Variants in UNC80 observed in about 807,000 individuals in gnomAD.
The protein encoded by UNC80 is protein unc-80 homolog.
In UNC80, 164 loss-of-function variants were observed where a neutral mutation model predicts 384.6. The observed-to-expected ratio is 0.43, with a 90% CI of 0.38 to 0.49. The LOEUF (loss-of-function observed/expected upper bound fraction) is 0.49. Among genes scored for constraint, UNC80 ranks in the 20% least tolerant of loss-of-function variants. The probability of loss-of-function intolerance (pLI) is 0.00; values close to 1 mark genes in which losing one functional copy is unlikely to be tolerated. For synonymous variants in UNC80, 1,486 were observed against 1,527.8 expected, an observed-to-expected ratio of 0.97 and a Z score of 0.64; for missense variants, 3,330 against 4,143.0, an observed-to-expected ratio of 0.80 and a Z score of 5.39.
rs910120902 is a variant in UNC80, at chr2:209,937,531, C to T, written c.6366C>T (p.Thr2122=). The T allele has an allele frequency of 2.1e-5, 33 of 1,548,806 alleles. No individual in the cohort carries two copies. Among genetic ancestry groups the T allele is most frequent in the African/African-American group, 5.5e-5 (4 of 73,062 alleles). Residue 2122 remains threonine (T), a splice_region_variant and synonymous_variant, in exon 42 of 65, where the codon ACC becomes ACT. Coordinates refer to ENST00000673920, the MANE Select transcript of UNC80 (RefSeq NM_001371986.1). The stretch of plus-strand genomic sequence containing the variant: ...GTCTCTTTATGTAATCCACACAGAC[C>T]TATGTTCGAGATATTTATCCTTTCC... ...KRWNLIHYNK[T]YVRDIYPFRR...
At chr2:209,941,074 T>G in intron 43 of UNC80, 147 bp from the exon 44 acceptor site, 1 of 1,024,962 alleles carries the variant, frequency 9.8e-7, no homozygotes, top group Non-Finnish European at 1.3e-6. Context: ...GCCAGTAATA[T>G]TGTGCTGGAA....
chr2:209,833,276 C>CAAA (rs554565630), intron 16 of UNC80, among the ~76,000 whole-genome samples: 54 of 97,328 alleles, frequency 5.5e-4, no homozygotes, highest in African/African-American at 1.8e-3. Context: ...TTTCCTAAGG[C>CAAA]AAAAAAAAAA....
rs1426140875 is a variant in UNC80, at chr2:209,941,216, C to G, written c.6647-5C>G. On this transcript the variant is annotated splice_region_variant and splice_polypyrimidine_tract_variant and intron_variant, in intron 43 of 64. Coordinates refer to ENST00000673920, the MANE Select transcript of UNC80 (RefSeq NM_001371986.1). ...TTCTGTCTCTGCTGTTTCATGTTCT[C>G]ACAGCTGGAAAGGAACTGTTTGGCC... is the stretch of plus-strand genomic sequence containing the variant. 1 of 1,495,214 alleles carries G rather than the reference C, an allele frequency of 6.7e-7. No homozygotes were observed. 92.6% of individuals were successfully genotyped at this position (1,495,214 alleles called of 1,614,324 possible). A position where few individuals can be genotyped will look rare whatever the true frequency, so the allele number is the denominator to read the frequency against.
At chr2:209,905,051 C>T (rs1405754761) in intron 29 of UNC80, 86 bp downstream of exon 29, 3 of 1,380,572 alleles carry the variant, frequency 2.2e-6, no homozygotes, top group Non-Finnish European at 3.0e-6. Context: ...AATTTTCAAG[C>T]AAATGCAATT....
chr2:209,921,377 T>C, intron 33 of UNC80, 123 bp from the exon 34 acceptor site: 1 of 963,854 alleles, frequency 1.0e-6, no homozygotes, highest in Non-Finnish European at 1.5e-6. Context: ...AACTGGATCA[T>C]GGGTATCCTA....
chr2:209,773,072 A>C, intron 1 of UNC80, 22 bp from the exon 2 acceptor site: 1 of 1,588,366 alleles, frequency 6.3e-7, no homozygotes, highest in East Asian at 2.2e-5. Flanking sequence ...TTTATTAACA[A>C]ATATCTCTAT....
rs759039111 is a variant in UNC80 at position 209,913,960 on chromosome 2, A to G, written c.5029+20A>G. 2.6e-6 allele frequency: 4 copies of G among 1,527,508 alleles called. No homozygotes were observed. Among genetic ancestry groups the G allele is most frequent in the African/African-American group, 2.8e-5 (2 of 72,292 alleles). 94.6% of individuals were successfully genotyped at this position (1,527,508 alleles called of 1,614,324 possible). On this transcript the variant is annotated intron_variant, in intron 31 of 64. Coordinates refer to ENST00000673920, the MANE Select transcript of UNC80 (RefSeq NM_001371986.1). ...CAGCAGGTAAAGAAAGACCACCTGGAACCCTGTGCCTGCTGCCACTGCTGT... is the reference window on the plus strand; with the variant it reads ...CAGCAGGTAAAGAAAGACCACCTGGGACCCTGTGCCTGCTGCCACTGCTGT...
rs2084423451 is a variant in UNC80 at position 209,872,906 on chromosome 2, T to A, written c.3776T>A (p.Val1259Glu). The A allele has an allele frequency of 6.4e-7, 1 of 1,551,586 alleles. No homozygotes were observed. Among genetic ancestry groups the A allele is most frequent in the Non-Finnish European group, 8.7e-7 (1 of 1,146,946 alleles). The change falls in exon 23 of 65, where the codon GTG becomes GAG. Residue 1259 changes from valine to glutamate, a missense_variant. Transcript: ENST00000673920. This position sits in a 1 kb window ranked among gnomAD's most constrained non-coding sequence, Gnocchi z 4.1. The part of the protein sequence containing the change: ...KGLSRGRSPI[V>E]GNKRNQKLQW... Reference sequence around the variant, plus strand: ...CTTTCCCGGGGACGCTCTCCCATTGTGGGCAACAAGCGAAACCAGAAGCTG... The same window carrying A: ...CTTTCCCGGGGACGCTCTCCCATTGAGGGCAACAAGCGAAACCAGAAGCTG...
chr2:209,933,179 A>G (rs1278000344), intron 38 of UNC80, among the ~76,000 whole-genome samples: 1 of 152,142 alleles, frequency 6.6e-6, no homozygotes, highest in Non-Finnish European at 1.5e-5. Context: ...AACATATTCT[A>G]CCTCCTATTA....
rs528020328 is a variant in UNC80 at position 209,815,840 on chromosome 2, G to A, written c.1335+449G>A. Among the ~76,000 whole-genome samples the A allele has an allele frequency of 6.6e-5, 10 of 152,248 alleles. No homozygotes were observed. In the South Asian group the frequency reaches 2.1e-3, roughly 32 times the overall value. The stretch of plus-strand genomic sequence containing the variant: ...TTTTAGGTAGTTTGCCCAAGATTGA[G>A]TCCAAACTCAAAAGTAGGTCTTCTA... On this transcript the variant is annotated intron_variant, in intron 9 of 64. Transcript: ENST00000673920.
intron 58 of UNC80, among the ~76,000 whole-genome samples, chr2:209,978,232 C>T (rs568580911): frequency 1.3e-5 from 2 of 152,110 alleles, no homozygotes; most frequent in African/African-American, 4.8e-5. Context: ...TTGCATCCTA[C>T]CAACCTTGGA....
chr2:209,808,554 C>A (rs1171560639), intron 7 of UNC80, among the ~76,000 whole-genome samples: 1 of 149,092 alleles, frequency 6.7e-6, no homozygotes, highest in African/African-American at 2.5e-5. Context: ...GTAAGGCGGG[C>A]CCAGGCTGCT....
chr2:209,939,789 A>T, intron 43 of UNC80, 137 bp downstream of exon 43: 1 of 739,194 alleles, frequency 1.4e-6, no homozygotes, highest in Non-Finnish European at 2.0e-6. Context: ...ATATGTATAC[A>T]TGTGCCATGT....
At chr2:209,946,632 A>G (rs1366607886) in intron 47 of UNC80, among the ~76,000 whole-genome samples, 3 of 152,182 alleles carry the variant, frequency 2.0e-5, no homozygotes, top group African/African-American at 7.2e-5. Flanking sequence ...TTTCTGTAAC[A>G]CAAAGGGCAA....
At chr2:209,827,074 G>T (rs1259922727) in intron 14 of UNC80, among the ~76,000 whole-genome samples, 1 of 151,798 alleles carries the variant, frequency 6.6e-6, no homozygotes, top group African/African-American at 2.4e-5. Flanking sequence ...TTATATGGGG[G>T]TTATATTTGC....
chr2:209,879,145 G>A (rs892134746), intron 24 of UNC80, among the ~76,000 whole-genome samples: 5 of 151,702 alleles, frequency 3.3e-5, no homozygotes, highest in African/African-American at 1.2e-4. Flanking sequence ...TATTATGTCA[G>A]TCTTTCAACC....
At chr2:209,786,652 A>G (rs1220173268) in intron 5 of UNC80, among the ~76,000 whole-genome samples, 1 of 152,164 alleles carries the variant, frequency 6.6e-6, no homozygotes. Context: ...GGAATTATCT[A>G]ATGAAATAGT....
intron 22 of UNC80, chr2:209,868,959 A>G (rs910366567): frequency 3.9e-5 from 6 of 152,200 alleles, no homozygotes; most frequent in African/African-American, 1.4e-4. Context: ...ATCTGGGCAG[A>G]CATGTTAATA....
chr2:209,830,743 A>T (rs1039535827), intron 15 of UNC80, among the ~76,000 whole-genome samples: 1 of 152,176 alleles, frequency 6.6e-6, no homozygotes, highest in Admixed American at 6.5e-5. Flanking sequence ...TTCTGTGAAA[A>T]ACTGGCATAA....
Sources: allele counts gnomAD v4.1 joint callset (sites outside exome capture counted in the v4.1 genomes callset), GRCh38; gene constraint gnomAD v4.1.1; non-coding constraint Gnocchi (gnomAD v3.1); transcripts MANE v1.5; gene names NCBI Gene and HGNC (gene_info 2026-07-23, HGNC 2026-07-21).